The following MAP3K13 variants were observed in gnomAD, a reference collection of about 807,000 sequenced individuals.
The protein encoded by MAP3K13 is leucine zipper-bearing kinase.
Under a neutral mutation model 104.0 loss-of-function variants are expected in MAP3K13, and 52 were observed. That is an observed-to-expected ratio of 0.50 (90% CI 0.40 to 0.63). The LOEUF (loss-of-function observed/expected upper bound fraction) is 0.63. MAP3K13 is among the 20% of genes least tolerant of loss of function. MAP3K13 has a pLI of 0.00. For missense variants in MAP3K13, 914 were observed against 1,218.5 expected (o/e 0.75, Z 3.72); for synonymous variants, 394 against 442.2 (o/e 0.89, Z 1.37).
intron 2 of MAP3K13, among the ~76,000 whole-genome samples, chr3:185,305,659 C>T (rs1364500003): frequency 3.3e-5 from 5 of 152,096 alleles, no homozygotes; most frequent in Non-Finnish European, 7.4e-5. Context: ...GACTTCCTTT[C>T]GCATTTCTTG....
At chr3:185,398,554 T>TAGA in intron 1 of MAP3K13, among the ~76,000 whole-genome samples, 1 of 152,232 alleles carries the variant, frequency 6.6e-6, no homozygotes, top group African/African-American at 2.4e-5. Flanking sequence ...AGACTTGAGT[T>TAGA]CTGAAGAGCA....
chr3:185,479,938 T>C (rs1718349773), intron 12 of MAP3K13, among the ~76,000 whole-genome samples: 1 of 152,210 alleles, frequency 6.6e-6, no homozygotes, highest in African/African-American at 2.4e-5. Flanking sequence ...CCAATCCTAT[T>C]TGATCAGGAC....
intron 1 of MAP3K13, among the ~76,000 whole-genome samples, chr3:185,404,427 G>A (rs999323158): frequency 6.6e-5 from 10 of 152,170 alleles, no homozygotes; most frequent in African/African-American, 2.2e-4. Context: ...CAAATTGATG[G>A]CAAAGTTTAC....
intron 2 of MAP3K13, chr3:185,291,494 C>T: frequency 1.1e-6 from 1 of 920,428 alleles, no homozygotes; most frequent in Non-Finnish European, 1.5e-6. Flanking sequence ...TCCTTTTGTT[C>T]TTTCAGCATG....
At chr3:185,389,434 A>G (rs550739957) in intron 1 of MAP3K13, among the ~76,000 whole-genome samples, 36 of 152,282 alleles carry the variant, frequency 2.4e-4, no homozygotes, top group Admixed American at 9.2e-4. Context: ...TCTGAGCATA[A>G]TGCATCACAA....
chr3:185,338,346 A>T (rs1722589718), intron 2 of MAP3K13, among the ~76,000 whole-genome samples: 2 of 151,392 alleles, frequency 1.3e-5, no homozygotes, highest in Non-Finnish European at 2.9e-5. Context: ...AAAAAAAAAA[A>T]AGACATGAAA....
At chr3:185,411,434 A>G (rs1488687140) in intron 1 of MAP3K13, among the ~76,000 whole-genome samples, 1 of 152,202 alleles carries the variant, frequency 6.6e-6, no homozygotes, top group Non-Finnish European at 1.5e-5. Context: ...CCCATGACAA[A>G]TACTGACTTC....
intron 1 of MAP3K13, among the ~76,000 whole-genome samples, chr3:185,387,903 A>G (rs1242459390): frequency 6.6e-6 from 1 of 152,202 alleles, no homozygotes; most frequent in Non-Finnish European, 1.5e-5. Flanking sequence ...ATGCTCTTAT[A>G]TATAGAAAAT....
At chr3:185,328,932 TC>T in intron 2 of MAP3K13, 1 of 334,970 alleles carries the variant, frequency 3.0e-6, no homozygotes, top group African/African-American at 2.1e-5. Flanking sequence ...TGCTGGTAGT[TC>T]CATGCTGTCT....
Position 185,431,953 on chromosome 3 carries a change from A to ATC in MAP3K13, c.475+2913_475+2914dup, listed in dbSNP as rs61319752. Among the ~76,000 whole-genome samples the ATC allele has an allele frequency of 7.0e-3, 1,057 of 150,270 alleles. 8 individuals are homozygous for ATC. The highest frequency in any genetic ancestry group is 0.024 in the African/African-American group (1,000 of 41,060). ...TCAGTCCCTGGTTTTATGTATGTGT[A>ATC]TCTCTCTCTCTCTCTCTTTCATACA... On this transcript the variant is annotated intron_variant, in intron 2 of 13. Transcript: ENST00000265026.
intron 2 of MAP3K13, among the ~76,000 whole-genome samples, chr3:185,343,229 G>C (rs572918091): frequency 9.2e-4 from 140 of 152,296 alleles, no homozygotes; most frequent in African/African-American, 3.2e-3. Flanking sequence ...TACACTCAAA[G>C]AGGGGAATCA....
At chr3:185,330,181 G>A (rs553224905) in intron 2 of MAP3K13, among the ~76,000 whole-genome samples, 33 of 151,138 alleles carry the variant, frequency 2.2e-4, no homozygotes, top group Non-Finnish European at 4.0e-4. Context: ...GATTACAGGC[G>A]TGAGCCACCG....
At chr3:185,385,907 G>A (rs962856124) in intron 1 of MAP3K13, among the ~76,000 whole-genome samples, 2 of 152,080 alleles carry the variant, frequency 1.3e-5, no homozygotes, top group African/African-American at 4.8e-5. Context: ...GGAGGCTGAG[G>A]CAGGAGAATT....
At chr3:185,454,503 TGA>T (rs1316123081) in intron 7 of MAP3K13, among the ~76,000 whole-genome samples, 18 of 106,338 alleles carry the variant, frequency 1.7e-4, no homozygotes, top group East Asian at 1.5e-3. Context: ...TACATATATA[TGA>T]GATATATATG....
chr3:185,391,055 A>G (rs1006224203), intron 1 of MAP3K13, among the ~76,000 whole-genome samples: 1 of 152,026 alleles, frequency 6.6e-6, no homozygotes, highest in Non-Finnish European at 1.5e-5. Context: ...TTTTTTTGTT[A>G]TGATAAAATA....
In MAP3K13 at chr3:185,455,061, G is replaced by GATATATATGAT. The variant is rs1560118270; in HGVS notation, c.1278+3676_1278+3677insTATATATATGA. On this transcript the variant is annotated intron_variant, in intron 7 of 13. Transcript: ENST00000265026. Reference sequence around the variant, plus strand: ...TGATATATATATGAGATATATGTGAGATATATATGAGATATATGTGAGATA... The same window carrying GATATATATGAT: ...TGATATATATATGAGATATATGTGAGATATATATGATATATATATGAGATATATGTGAGATA... 2.6e-4 allele frequency among the ~76,000 whole-genome samples: 23 copies of GATATATATGAT among 87,790 alleles called. 2 individuals carry two copies. Among genetic ancestry groups the GATATATATGAT allele is most frequent in the East Asian group, 1.4e-3 (4 of 2,856 alleles). 57.6% of individuals were successfully genotyped at this position (87,790 alleles called of 152,430 possible).
chr3:185,457,321 A>G (rs931130100), intron 7 of MAP3K13, among the ~76,000 whole-genome samples: 1 of 152,244 alleles, frequency 6.6e-6, no homozygotes, highest in Non-Finnish European at 1.5e-5. Context: ...TTAAGCATCT[A>G]TCTTAGCTCA....
At chr3:185,380,846 G>A (rs1021435863) in intron 1 of MAP3K13, among the ~76,000 whole-genome samples, 1 of 152,006 alleles carries the variant, frequency 6.6e-6, no homozygotes, top group Non-Finnish European at 1.5e-5. Flanking sequence ...CTGTCATAAG[G>A]CAGGCACTCC....
At chr3:185,395,937 C>G (rs1712387477) in intron 1 of MAP3K13, among the ~76,000 whole-genome samples, 1 of 152,190 alleles carries the variant, frequency 6.6e-6, no homozygotes, top group African/African-American at 2.4e-5. Flanking sequence ...TCTTAGTCTC[C>G]CAAAGTGTTG....
Sources: allele counts gnomAD v4.1 joint callset (sites outside exome capture counted in the v4.1 genomes callset), GRCh38; gene constraint gnomAD v4.1.1; transcripts MANE v1.5; gene names NCBI Gene and HGNC (gene_info 2026-07-23, HGNC 2026-07-21).